Variants in PIK3R5 observed in about 807,000 individuals in gnomAD.
The protein encoded by PIK3R5 is phosphoinositide 3-kinase regulatory subunit 5.
PIK3R5 carries 32 observed loss-of-function variants against 94.9 expected under a neutral mutation model. The observed-to-expected ratio is 0.34, with a 90% CI of 0.25 to 0.45. The LOEUF is 0.45. Ranked by LOEUF, PIK3R5 falls within the 20% of genes least tolerant of loss-of-function variation. The pLI, the probability that PIK3R5 is intolerant of heterozygous loss-of-function variation, is 1.00. For synonymous variants in PIK3R5, 443 were observed against 479.4 expected, an observed-to-expected ratio of 0.92 and a Z score of 0.99; for missense variants, 853 against 1,144.6, an observed-to-expected ratio of 0.75 and a Z score of 3.68.
In PIK3R5 at chr17:8,889,970, C is replaced by T. The variant is rs761308252; in HGVS notation, c.811+3G>A. 9 of 1,613,712 alleles carry T rather than the reference C, an allele frequency of 5.6e-6. No homozygotes were observed. The highest frequency in any genetic ancestry group is 1.7e-4 in the Middle Eastern group (1 of 6,034). On this transcript the variant is annotated splice_donor_region_variant and intron_variant, in intron 8 of 18. Coordinates refer to ENST00000447110, the MANE Select transcript of PIK3R5 (RefSeq NM_001142633.3). This position sits in a 1 kb window ranked among gnomAD's most constrained non-coding sequence, Gnocchi z 4.1. ...GAGAACCCCATTCTCCCAAGAGCCTCACCTAACACCCCAGGGAAGCCAGCT... is the reference window on the plus strand; with the variant it reads ...GAGAACCCCATTCTCCCAAGAGCCTTACCTAACACCCCAGGGAAGCCAGCT...
rs1294447321 is a variant in PIK3R5, at chr17:8,889,097, G to A, written c.895+42C>T. 2 of 1,582,564 alleles carry A rather than the reference G, an allele frequency of 1.3e-6. No homozygotes were observed. Among genetic ancestry groups the A allele is most frequent in the African/African-American group, 1.4e-5 (1 of 73,972 alleles). ...ACCCAGGACCAGAAACACAGCTCAG[G>A]CAGTGTGGGGCATGGGTGTCACCAG... is the stretch of plus-strand genomic sequence containing the variant. On this transcript the variant is annotated intron_variant, in intron 9 of 18. Coordinates refer to ENST00000447110, the MANE Select transcript of PIK3R5 (RefSeq NM_001142633.3). The surrounding 1 kb of genome is among the most constrained non-coding windows in gnomAD (Gnocchi z 4.1).
Position 8,893,216 on chromosome 17 carries a change from G to T in PIK3R5, c.482+370C>A, listed in dbSNP as rs1307921629. ...CATGGGCTTCTGAATAAGCCTGAGGGTTAAATTCTGGCTCGTACCCTTGCT... is the reference window on the plus strand; with the variant it reads ...CATGGGCTTCTGAATAAGCCTGAGGTTTAAATTCTGGCTCGTACCCTTGCT... On this transcript the variant is annotated intron_variant, in intron 6 of 18. Transcript: ENST00000447110. The surrounding 1 kb of genome is among the most constrained non-coding windows in gnomAD (Gnocchi z 5.1). Among the ~76,000 whole-genome samples, 1 of 152,146 alleles carries T rather than the reference G, an allele frequency of 6.6e-6. No individual in the cohort carries two copies. The highest frequency in any genetic ancestry group is 2.4e-5 in the African/African-American group (1 of 41,410).
chr17:8,962,367 A>G (rs553856887), intron 1 of PIK3R5, among the ~76,000 whole-genome samples: 2 of 152,386 alleles, frequency 1.3e-5, no homozygotes, highest in South Asian at 4.1e-4. Flanking sequence ...GAACCATTTG[A>G]TGAAAATTTC....
rs949571038 is a variant in PIK3R5, at chr17:8,893,921, G to A, written c.413-266C>T. 8 of 317,610 alleles carry A rather than the reference G, an allele frequency of 2.5e-5. 1 individual carries two copies. Among genetic ancestry groups the A allele is most frequent in the South Asian group, 1.0e-4 (2 of 19,064 alleles). The allele number at this position is 317,610 out of a possible 1,614,324, so 19.7% of individuals were successfully genotyped here. ...GGGCCTCGCTGTCCTCTGGATTCCC[G>A]TGGCCTCTCTGACTGCCCTCCCTTC... is the stretch of plus-strand genomic sequence containing the variant. On this transcript the variant is annotated intron_variant, in intron 5 of 18. Coordinates refer to ENST00000447110, the MANE Select transcript of PIK3R5 (RefSeq NM_001142633.3). This position sits in a 1 kb window ranked among gnomAD's most constrained non-coding sequence, Gnocchi z 5.1.
chr17:8,885,902 C>T (rs1377889849), intron 14 of PIK3R5, among the ~76,000 whole-genome samples: 1 of 146,480 alleles, frequency 6.8e-6, no homozygotes, highest in Admixed American at 6.7e-5. Flanking sequence ...CCCTGCCTCC[C>T]CAAGGCCCCA....
chr17:8,890,169 G>A lies in PIK3R5; in HGVS notation c.658-43C>T. On this transcript the variant is annotated intron_variant, in intron 7 of 18. Coordinates refer to ENST00000447110, the MANE Select transcript of PIK3R5 (RefSeq NM_001142633.3). The surrounding 1 kb of genome is among the most constrained non-coding windows in gnomAD (Gnocchi z 6.1). ...GATGGGCTTTGCTCCTGGACCGTGA[G>A]CTAGCTGTCCACCTGTTCCAGTTGC... 1 of 1,602,676 alleles carries A rather than the reference G, an allele frequency of 6.2e-7. No homozygotes were observed.
Position 8,904,077 on chromosome 17 carries a change from T to G in PIK3R5, c.412+700A>C, listed in dbSNP as rs576530715. 8.5e-5 allele frequency among the ~76,000 whole-genome samples: 13 copies of G among 152,370 alleles called. No homozygotes were observed. Among genetic ancestry groups the G allele is most frequent in the Admixed American group, 3.9e-4 (6 of 15,306 alleles). On this transcript the variant is annotated intron_variant, in intron 5 of 18. Coordinates refer to ENST00000447110, the MANE Select transcript of PIK3R5 (RefSeq NM_001142633.3). The surrounding 1 kb of genome is among the most constrained non-coding windows in gnomAD (Gnocchi z 5.1). Reference sequence around the variant, plus strand: ...GAATATCAGGAATGATGATGAATTTTATGAAATATTTTAGAGGCATCTATT... The same window carrying G: ...GAATATCAGGAATGATGATGAATTTGATGAAATATTTTAGAGGCATCTATT...
At chr17:8,962,867 CTT>C (rs1474470399) in intron 1 of PIK3R5, among the ~76,000 whole-genome samples, 2 of 152,206 alleles carry the variant, frequency 1.3e-5, no homozygotes, top group East Asian at 3.8e-4. Flanking sequence ...GTACTCTTTC[CTT>C]TCTCTCCTCC....
chr17:8,917,107 G>A (rs2090645589), intron 1 of PIK3R5, among the ~76,000 whole-genome samples: 1 of 152,086 alleles, frequency 6.6e-6, no homozygotes, highest in East Asian at 1.9e-4. Flanking sequence ...CGTGACCTAA[G>A]TAAAAGAATT....
At position 8,965,264 on chromosome 17, in the gene PIK3R5, G is replaced by A. The variant is rs557030625; in HGVS notation, c.-14+332C>T. Among the ~76,000 whole-genome samples, 7 of 152,360 alleles carry A rather than the reference G, an allele frequency of 4.6e-5. No individual in the cohort carries two copies. The East Asian group carries it at 1.2e-3, about 25-fold the overall frequency. On this transcript the variant is annotated intron_variant, in intron 1 of 18. Transcript: ENST00000447110. Reference sequence around the variant, plus strand: ...CCCCGCTGGAGCGGGCAGGGGACCTGACCCTACGACACAGGGCGTCCTGTG... The same window carrying A: ...CCCCGCTGGAGCGGGCAGGGGACCTAACCCTACGACACAGGGCGTCCTGTG...
intron 1 of PIK3R5, among the ~76,000 whole-genome samples, chr17:8,924,265 A>G (rs1597407511): frequency 7.0e-6 from 1 of 143,756 alleles, no homozygotes; most frequent in African/African-American, 2.6e-5. Flanking sequence ...TTTTTTGTAG[A>G]GGTGGGGTTT....
intron 5 of PIK3R5, among the ~76,000 whole-genome samples, chr17:8,901,977 G>T (rs2090293387): frequency 6.6e-6 from 1 of 152,028 alleles, no homozygotes; most frequent in Admixed American, 6.6e-5. Flanking sequence ...TGGGTGAAAG[G>T]GTATGCTTTC....
intron 14 of PIK3R5, chr17:8,885,050 C>T (rs1357959283): frequency 3.2e-5 from 15 of 468,244 alleles, no homozygotes; most frequent in Admixed American, 1.7e-4. Context: ...GCCCCATCTC[C>T]GCTGTGATCA....
At position 8,893,792 on chromosome 17, in the gene PIK3R5, G is replaced by A; in HGVS notation, c.413-137C>T. The A allele has an allele frequency of 1.5e-6, 1 of 665,422 alleles. No homozygotes were observed. Among genetic ancestry groups the A allele is most frequent in the Non-Finnish European group, 2.7e-6 (1 of 368,008 alleles). 41.2% of individuals were successfully genotyped at this position (665,422 alleles called of 1,614,324 possible). ...GCTCAGGCGAACCTGCAGAGAAGCTGTTCTGTGGACCCTCCAGGGTGCCTA... is the reference window on the plus strand; with the variant it reads ...GCTCAGGCGAACCTGCAGAGAAGCTATTCTGTGGACCCTCCAGGGTGCCTA... On this transcript the variant is annotated intron_variant, in intron 5 of 18. Transcript: ENST00000447110. The surrounding 1 kb of genome is among the most constrained non-coding windows in gnomAD (Gnocchi z 5.1).
Position 8,893,378 on chromosome 17 carries a change from C to G in PIK3R5, c.482+208G>C, listed in dbSNP as rs183693647. On this transcript the variant is annotated intron_variant, in intron 6 of 18. Coordinates refer to ENST00000447110, the MANE Select transcript of PIK3R5 (RefSeq NM_001142633.3). This position sits in a 1 kb window ranked among gnomAD's most constrained non-coding sequence, Gnocchi z 5.1. ...CCTCTTTAAGAATCTGGTGAAAGAC[C>G]GTCAGCCTAGAAAAACACACCTGGA... Among the ~76,000 whole-genome samples the G allele has an allele frequency of 5.3e-4, 81 of 152,200 alleles. No homozygotes were observed. Among genetic ancestry groups the G allele is most frequent in the Middle Eastern group, 3.4e-3 (1 of 294 alleles).
chr17:8,917,887 G>A (rs572323091), intron 1 of PIK3R5, among the ~76,000 whole-genome samples: 19 of 152,116 alleles, frequency 1.2e-4, no homozygotes, highest in African/African-American at 4.6e-4. Context: ...AAAAAAGAAA[G>A]AAATCTGAAA....
At position 8,884,829 on chromosome 17, in the gene PIK3R5, G is replaced by T. The variant is rs773144882; in HGVS notation, c.2129-46C>A. On this transcript the variant is annotated intron_variant, in intron 14 of 18. Transcript: ENST00000447110. This position sits in a 1 kb window ranked among gnomAD's most constrained non-coding sequence, Gnocchi z 5.8. ...CCCTTCACTACCCCTGGCTTCCCCG[G>T]CTCCTCACGAACGCAGTGGCCTTGC... 6.4e-7 allele frequency: 1 copy of T among 1,567,274 alleles called. No individual in the cohort carries two copies. Among genetic ancestry groups the T allele is most frequent in the Non-Finnish European group, 8.8e-7 (1 of 1,142,136 alleles).
chr17:8,902,846 A>AT (rs35776068), intron 5 of PIK3R5, among the ~76,000 whole-genome samples: 2,185 of 140,138 alleles, frequency 0.016, 40 homozygotes, highest in African/African-American at 0.036. Flanking sequence ...TTTAGATAGA[A>AT]TTTTTTTTTT....
intron 2 of PIK3R5, among the ~76,000 whole-genome samples, chr17:8,910,764 G>A (rs766250873): frequency 2.0e-5 from 3 of 152,166 alleles, no homozygotes; most frequent in Non-Finnish European, 4.4e-5. Context: ...GAGGTACGGA[G>A]GGACCAGGTA....
Sources: gnomAD v4.1 joint callset for allele counts (sites outside exome capture counted in the v4.1 genomes callset) on GRCh38, gnomAD v4.1.1 for gene constraint, Gnocchi (gnomAD v3.1) non-coding constraint, MANE v1.5 for transcripts, NCBI Gene and HGNC (gene_info 2026-07-23, HGNC 2026-07-21) for gene names.